The following SLC8A1 variants were observed in gnomAD, a reference collection of about 807,000 sequenced individuals.
The protein encoded by SLC8A1 is solute carrier family 8 member A1.
SLC8A1 carries 18 observed loss-of-function variants against 68.3 expected under a neutral mutation model. That is an observed-to-expected ratio of 0.26 (90% CI 0.18 to 0.39). SLC8A1 has a LOEUF of 0.39. SLC8A1 is among the 10% of genes least tolerant of loss of function. The pLI is 1.00. For synonymous variants in SLC8A1, 475 were observed against 415.5 expected, an observed-to-expected ratio of 1.14 and a Z score of -1.74; for missense variants, 985 against 1,156.7, an observed-to-expected ratio of 0.85 and a Z score of 2.15.
chr2:40,136,679 G>T (rs753442779), intron 7 of SLC8A1, among the ~76,000 whole-genome samples: 6 of 152,084 alleles, frequency 3.9e-5, no homozygotes, highest in Non-Finnish European at 2.9e-5. Context: ...TCTGCCTGTA[G>T]CAACTGGGCT....
chr2:40,216,890 G>A (rs1369288744), intron 2 of SLC8A1, among the ~76,000 whole-genome samples: 1 of 152,092 alleles, frequency 6.6e-6, no homozygotes, highest in African/African-American at 2.4e-5. Flanking sequence ...TGTAGATTCT[G>A]GATATTAGAT....
intron 6 of SLC8A1, among the ~76,000 whole-genome samples, chr2:40,154,395 C>G (rs867876311): frequency 1.4e-5 from 2 of 146,858 alleles, no homozygotes; most frequent in South Asian, 2.2e-4. Flanking sequence ...GCTCTGCCTC[C>G]CGGGTTCATG....
chr2:40,202,117 A>G (rs781776090), intron 2 of SLC8A1, among the ~76,000 whole-genome samples: 3 of 152,030 alleles, frequency 2.0e-5, no homozygotes, highest in Non-Finnish European at 2.9e-5. Context: ...GATCAGCACC[A>G]TGGAGCAAAG....
At chr2:40,390,211 C>G (rs1477722733) in intron 2 of SLC8A1, among the ~76,000 whole-genome samples, 1 of 152,074 alleles carries the variant, frequency 6.6e-6, no homozygotes, top group African/African-American at 2.4e-5. Context: ...ACAGATTCAC[C>G]TATCGTTTCC....
intron 2 of SLC8A1, among the ~76,000 whole-genome samples, chr2:40,313,450 G>T (rs1481027180): frequency 6.6e-6 from 1 of 151,934 alleles, no homozygotes; most frequent in Non-Finnish European, 1.5e-5. Flanking sequence ...TGGATTATAT[G>T]ATAAGTGTAT....
At chr2:40,324,378 G>C (rs148412978) in intron 2 of SLC8A1, among the ~76,000 whole-genome samples, 1 of 152,220 alleles carries the variant, frequency 6.6e-6, no homozygotes, top group Non-Finnish European at 1.5e-5. Flanking sequence ...AAATAAAGAT[G>C]GGGCTATTTC....
chr2:40,441,398 A>G (rs533533280), intron 1 of SLC8A1, among the ~76,000 whole-genome samples: 1 of 119,576 alleles, frequency 8.4e-6, no homozygotes, highest in Admixed American at 8.1e-5. Flanking sequence ...AGAATTAGAA[A>G]AAAAAAAAAA....
At chr2:40,356,993 C>T (rs183381669) in intron 2 of SLC8A1, among the ~76,000 whole-genome samples, 72 of 152,250 alleles carry the variant, frequency 4.7e-4, no homozygotes, top group African/African-American at 1.7e-3. Flanking sequence ...CATGAGTATT[C>T]AGAGTATAAT....
chr2:40,391,986 T>C (rs1168119936), intron 2 of SLC8A1, among the ~76,000 whole-genome samples: 1 of 151,788 alleles, frequency 6.6e-6, no homozygotes, highest in Non-Finnish European at 1.5e-5. Context: ...TTTCTTCTCA[T>C]TCAGTCCTTA....
chr2:40,333,561 C>G (rs1175996549), intron 2 of SLC8A1, among the ~76,000 whole-genome samples: 1 of 151,464 alleles, frequency 6.6e-6, no homozygotes, highest in East Asian at 1.9e-4. Context: ...TCATTTTATT[C>G]AAGACCTAGG....
chr2:40,329,770 G>C (rs1309785495), intron 2 of SLC8A1, among the ~76,000 whole-genome samples: 2 of 152,116 alleles, frequency 1.3e-5, no homozygotes, highest in Non-Finnish European at 2.9e-5. Context: ...AAGACTCCCA[G>C]GTTGCAAGTA....
intron 7 of SLC8A1, among the ~76,000 whole-genome samples, chr2:40,134,899 T>C (rs1430665445): frequency 2.0e-5 from 3 of 152,098 alleles, no homozygotes; most frequent in Non-Finnish European, 4.4e-5. Context: ...AAATCCAGAA[T>C]GTAATAAATA....
intron 2 of SLC8A1, among the ~76,000 whole-genome samples, chr2:40,357,624 G>A (rs933939556): frequency 1.3e-5 from 2 of 151,806 alleles, no homozygotes; most frequent in Admixed American, 6.6e-5. Flanking sequence ...CCACTATGGC[G>A]TGTGTAACAA....
chr2:40,301,744 T>C (rs989202646), intron 2 of SLC8A1, among the ~76,000 whole-genome samples: 2 of 152,188 alleles, frequency 1.3e-5, no homozygotes, highest in African/African-American at 2.4e-5. Context: ...AATTCTTTTT[T>C]AAATTTTTCA....
chr2:40,146,868 G>A lies in SLC8A1; in HGVS notation c.2162-7192C>T, dbSNP rs1045234639. On this transcript the variant is annotated intron_variant, in intron 6 of 7. Transcript: ENST00000406785. ...TAATCTGTGGGCCATACTGTCCCAC[G>A]GGACTAGTGCTACTTCTTAAGGGGT... Among the ~76,000 whole-genome samples the A allele has an allele frequency of 5.9e-5, 9 of 152,070 alleles. No homozygotes were observed. The South Asian group carries it at 6.2e-4, about 11-fold the overall frequency.
At position 40,266,497 on chromosome 2, in the gene SLC8A1, TG is replaced by T. The variant is rs550305637; in HGVS notation, c.1809-88643del. Among the ~76,000 whole-genome samples the T allele has an allele frequency of 2.6e-5, 4 of 152,292 alleles. 1 individual carries two copies. The South Asian group carries it at 8.3e-4, about 32-fold the overall frequency. Reference sequence around the variant, plus strand: ...AGAGTAGAGACTATTCTTAGACCATTGGAATGAGCTCTGCCCATTGCTTCTG... The same window carrying T: ...AGAGTAGAGACTATTCTTAGACCATTGAATGAGCTCTGCCCATTGCTTCTG... On this transcript the variant is annotated intron_variant, in intron 2 of 7. Coordinates refer to ENST00000406785, the Ensembl canonical transcript of SLC8A1.
chr2:40,487,506 T>A (rs150090457), intron 1 of SLC8A1, among the ~76,000 whole-genome samples: 58 of 152,304 alleles, frequency 3.8e-4, no homozygotes, highest in African/African-American at 1.3e-3. Flanking sequence ...TCTTAAAAAC[T>A]GCTTTTGTGA....
chr2:40,250,411 ATAT>A (rs933565302), intron 2 of SLC8A1: 23 of 152,198 alleles, frequency 1.5e-4, no homozygotes, highest in Non-Finnish European at 2.2e-4. Flanking sequence ...CTTAATTCCA[ATAT>A]TATTAAAATT....
intron 6 of SLC8A1, among the ~76,000 whole-genome samples, chr2:40,144,227 A>C (rs1246477552): frequency 6.6e-6 from 1 of 152,210 alleles, no homozygotes; most frequent in Non-Finnish European, 1.5e-5. Flanking sequence ...AGAAAGAAAC[A>C]GGAAGGGAAC....
Sources: allele counts gnomAD v4.1 joint callset (sites outside exome capture counted in the v4.1 genomes callset), GRCh38; gene constraint gnomAD v4.1.1; transcripts MANE v1.5; gene names NCBI Gene and HGNC (gene_info 2026-07-23, HGNC 2026-07-21).